The following ENPP2 variants were observed in gnomAD, a reference collection of about 807,000 sequenced individuals.
ENPP2 encodes autotaxin.
ENPP2 carries 51 observed loss-of-function variants against 120.2 expected under a neutral mutation model. The ratio of observed to expected loss-of-function variants is 0.42; its 90% CI spans 0.34 to 0.54. ENPP2 has a LOEUF of 0.54. Among genes scored for constraint, ENPP2 ranks in the 20% least tolerant of loss-of-function variants. The pLI, the probability that ENPP2 is intolerant of heterozygous loss-of-function variation, is 0.04. For synonymous variants in ENPP2, 365 were observed against 366.4 expected, an observed-to-expected ratio of 1.00 and a Z score of 0.04; for missense variants, 920 against 1,066.5, an observed-to-expected ratio of 0.86 and a Z score of 1.91.
At chr8:119,649,168 C>T (rs1482271294) in intron 1 of ENPP2, among the ~76,000 whole-genome samples, 1 of 150,056 alleles carries the variant, frequency 6.7e-6, no homozygotes, top group Non-Finnish European at 1.5e-5. Flanking sequence ...CGGAGGTGGG[C>T]GGATCACAAG....
chr8:119,660,633 C>T (rs1297265515), intron 1 of ENPP2, among the ~76,000 whole-genome samples: 2 of 152,160 alleles, frequency 1.3e-5, no homozygotes, highest in Non-Finnish European at 2.9e-5. Flanking sequence ...TGAGACCTTT[C>T]TCAAGTTTCA....
chr8:119,601,790 G>A (rs888276375), intron 9 of ENPP2, among the ~76,000 whole-genome samples: 28 of 152,116 alleles, frequency 1.8e-4, no homozygotes, highest in African/African-American at 6.7e-4. Context: ...TTATTCTGTC[G>A]AGCCTTTAGC....
chr8:119,671,772 G>A (rs1009030169), intron 1 of ENPP2, among the ~76,000 whole-genome samples: 2 of 152,200 alleles, frequency 1.3e-5, no homozygotes, highest in East Asian at 1.9e-4. Context: ...GGTTAAAGCC[G>A]CTGGAGTGAA....
upstream of ENPP2, among the ~76,000 whole-genome samples, chr8:119,643,184 T>G (rs1483856994): frequency 6.6e-6 from 1 of 152,234 alleles, no homozygotes; most frequent in Non-Finnish European, 1.5e-5. Flanking sequence ...TAAGTTTTGC[T>G]GTGGTTGAGA....
intron 1 of ENPP2, among the ~76,000 whole-genome samples, chr8:119,653,048 C>A (rs1372007867): frequency 6.6e-6 from 1 of 152,130 alleles, no homozygotes; most frequent in East Asian, 1.9e-4. Flanking sequence ...TCCTAGGCTT[C>A]TTTAATAATG....
intron 8 of ENPP2, among the ~76,000 whole-genome samples, chr8:119,610,272 A>G (rs888804168): frequency 6.6e-6 from 1 of 152,228 alleles, no homozygotes; most frequent in Admixed American, 6.5e-5. Context: ...TTCTAAAAAC[A>G]AAATCAAAAA....
At position 119,593,746 on chromosome 8, in the gene ENPP2, C is replaced by T. The variant is rs1348515191; in HGVS notation, c.1081+6G>A. ...TCCTATTAGCAAAGAAAAAACAAAG[C>T]TTTACCATGGTCTCCGACAAAGATG... On this transcript the variant is annotated splice_donor_region_variant and intron_variant, in intron 12 of 24. Coordinates refer to ENST00000075322, the MANE Select transcript of ENPP2 (RefSeq NM_001040092.3). 6.4e-6 allele frequency: 10 copies of T among 1,565,420 alleles called. No homozygotes were observed. The Admixed American group carries it at 1.0e-4, about 16-fold the overall frequency.
intron 21 of ENPP2, among the ~76,000 whole-genome samples, 193 bp downstream of exon 21, chr8:119,569,042 C>T (rs3765048): frequency 0.12 from 17,719 of 152,084 alleles, 1,082 homozygotes; most frequent in Middle Eastern, 0.19. Flanking sequence ...ATTAGAATTC[C>T]CCTGGAGAAT....
chr8:119,559,367 G>A (rs888161771), intron 24 of ENPP2, among the ~76,000 whole-genome samples: 4 of 152,160 alleles, frequency 2.6e-5, no homozygotes, highest in Admixed American at 6.6e-5. Context: ...TTTTGAATGT[G>A]TGGACAGGGG....
At chr8:119,557,719 A>C in intron 24 of ENPP2, 28 bp from the exon 25 acceptor site, 1 of 1,518,214 alleles carries the variant, frequency 6.6e-7, no homozygotes, top group Non-Finnish European at 8.8e-7. Context: ...CAAAATCAGA[A>C]TCAGAATTTT....
At chr8:119,672,674 G>A (rs10105110) in intron 1 of ENPP2, among the ~76,000 whole-genome samples, 48,987 of 152,044 alleles carry the variant, frequency 0.32, 8,262 homozygotes, top group East Asian at 0.5. Flanking sequence ...CAAGAAACTG[G>A]CTGTGCCGAA....
At chr8:119,590,064 C>T (rs4304355) in intron 13 of ENPP2, among the ~76,000 whole-genome samples, 1 of 152,130 alleles carries the variant, frequency 6.6e-6, no homozygotes, top group Non-Finnish European at 1.5e-5. Flanking sequence ...TCCTAGGAAC[C>T]CCCACAGTCC....
intron 2 of ENPP2, among the ~76,000 whole-genome samples, chr8:119,633,669 C>A (rs1158377969): frequency 6.6e-6 from 1 of 151,956 alleles, no homozygotes; most frequent in African/African-American, 2.4e-5. Context: ...TTTATTGATG[C>A]TTCTGACCTC....
Position 119,626,639 on chromosome 8 carries a change from T to C in ENPP2, c.218A>G (p.Asp73Gly), listed in dbSNP as rs1315600703. 1.9e-6 allele frequency: 3 copies of C among 1,614,076 alleles called. No homozygotes were observed. In the East Asian group the frequency reaches 6.7e-5, roughly 36 times the overall value. Residue 73 changes from aspartate to glycine, a missense_variant, in exon 3 of 25, where the codon GAT becomes GGT. Asp to Gly is a moderately conservative substitution (Grantham distance 94, BLOSUM62 -1). Coordinates refer to ENST00000075322, the MANE Select transcript of ENPP2 (RefSeq NM_001040092.3). ...CFELQEAGPP[D>G]CRCDNLCKSY... Reference sequence around the variant, plus strand: ...CTTACACAAGTTGTCACAGCGACAATCAGGAGGTCCAGCCTCTTGAAGTTC... The same window carrying C: ...CTTACACAAGTTGTCACAGCGACAACCAGGAGGTCCAGCCTCTTGAAGTTC...
intron 14 of ENPP2, 71 bp from the exon 15 acceptor site, chr8:119,586,384 A>C: frequency 9.7e-6 from 14 of 1,449,742 alleles, no homozygotes; most frequent in Non-Finnish European, 1.4e-5. Context: ...TTCTCTCTCT[A>C]GAAAGCTGAA....
At chr8:119,649,662 T>TA (rs1817573799) in intron 1 of ENPP2, among the ~76,000 whole-genome samples, 1 of 152,184 alleles carries the variant, frequency 6.6e-6, no homozygotes, top group African/African-American at 2.4e-5. Context: ...ATATAACTGA[T>TA]AATGTTCAAA....
Position 119,630,113 on chromosome 8 carries a change from CT to C in ENPP2, c.137-3394del, listed in dbSNP as rs796669944. On this transcript the variant is annotated intron_variant, in intron 2 of 24. Transcript: ENST00000075322. ...ATCATCATTTCTTCCCTATTTCTTT[CT>C]TTTTTTTTTTTGAGACGGAGTTTTG... Among the ~76,000 whole-genome samples the C allele has an allele frequency of 8.0e-3, 1,160 of 145,544 alleles. 10 individuals are homozygous for C. The highest frequency in any genetic ancestry group is 0.026 in the African/African-American group (1,030 of 40,000).
chr8:119,575,581 A>G (rs1812279627), intron 19 of ENPP2, among the ~76,000 whole-genome samples: 1 of 152,184 alleles, frequency 6.6e-6, no homozygotes, highest in Admixed American at 6.5e-5. Context: ...TTTTCAGATG[A>G]AAGCACATGG....
chr8:119,642,212 A>G (rs1817304958), upstream of ENPP2, among the ~76,000 whole-genome samples: 1 of 152,164 alleles, frequency 6.6e-6, no homozygotes, highest in Admixed American at 6.5e-5. Context: ...CCCATTTTCA[A>G]GCTCACCACT....
Sources: allele counts gnomAD v4.1 joint callset (sites outside exome capture counted in the v4.1 genomes callset), GRCh38; gene constraint gnomAD v4.1.1; transcripts MANE v1.5; gene names NCBI Gene and HGNC (gene_info 2026-07-23, HGNC 2026-07-21).